CYSLTR2: variants seen among roughly 807,000 people sequenced by gnomAD.
The protein encoded by CYSLTR2 is cysteinyl leukotriene receptor 2, also known as G-protein coupled receptor GPCR21.
For missense variants in CYSLTR2, 398 were observed against 411.9 expected (o/e 0.97, Z 0.29); for synonymous variants, 179 against 160.8 (o/e 1.11, Z -0.86).
intron 3 of CYSLTR2, among the ~76,000 whole-genome samples, chr13:48,694,273 A>G (rs962009217): frequency 9.2e-5 from 14 of 152,246 alleles, no homozygotes; most frequent in Admixed American, 7.2e-4. Context: ...TCCAAAGGCC[A>G]AAGTTTGTCT....
At chr13:48,695,068 A>ATTTTTTT (rs869282546) in intron 3 of CYSLTR2, among the ~76,000 whole-genome samples, 1,911 of 71,578 alleles carry the variant, frequency 0.027, 484 homozygotes, top group African/African-American at 0.034. Flanking sequence ...AGAACCTGGC[A>ATTTTTTT]TTTTTTTTTT....
intron 4 of CYSLTR2, among the ~76,000 whole-genome samples, chr13:48,704,734 C>T (rs1361960589): frequency 6.6e-6 from 1 of 152,004 alleles, no homozygotes; most frequent in African/African-American, 2.4e-5. Flanking sequence ...GTTTAGTTTT[C>T]AAGTGTTTTG....
At chr13:48,691,520 C>G (rs575999553) in intron 2 of CYSLTR2, among the ~76,000 whole-genome samples, 1 of 152,222 alleles carries the variant, frequency 6.6e-6, no homozygotes, top group Non-Finnish European at 1.5e-5. Flanking sequence ...CAAAGTCACT[C>G]CAGCTTCCAC....
chr13:48,698,992 C>T (rs1025524786), intron 4 of CYSLTR2, among the ~76,000 whole-genome samples: 11 of 152,152 alleles, frequency 7.2e-5, no homozygotes, highest in African/African-American at 2.4e-4. Flanking sequence ...TATATATGCA[C>T]CCAATACAGG....
intron 2 of CYSLTR2, among the ~76,000 whole-genome samples, chr13:48,693,151 A>G (rs1475151085): frequency 6.6e-6 from 1 of 151,812 alleles, no homozygotes; most frequent in African/African-American, 2.4e-5. Context: ...GACAAGTTAT[A>G]GAACTAGTGG....
Position 48,708,474 on chromosome 13 carries a change from A to T in CYSLTR2, c.*616A>T, listed in dbSNP as rs1594037039. ...ATTTTGCATTGGGAGAGAGGTTCTA[A>T]CACACTGAAGGCAACCCTATTTCTA... On this transcript the variant is annotated 3_prime_UTR_variant, in exon 5 of 5. Coordinates refer to ENST00000682523, the MANE Select transcript of CYSLTR2 (RefSeq NM_001308476.3). The T allele has an allele frequency of 6.0e-6, 1 of 167,302 alleles. No homozygotes were observed. The highest frequency in any genetic ancestry group is 1.9e-4 in the East Asian group (1 of 5,204). The allele number at this position is 167,302 out of a possible 1,614,324, so 10.4% of individuals were successfully genotyped here. A position where few individuals can be genotyped will look rare whatever the true frequency, so the allele number is the denominator to read the frequency against.
In CYSLTR2 at chr13:48,708,427, A is replaced by C. The variant is rs939395542; in HGVS notation, c.*569A>C. 2 of 167,334 alleles carry C rather than the reference A, an allele frequency of 1.2e-5. No individual in the cohort carries two copies. Among genetic ancestry groups the C allele is most frequent in the African/African-American group, 2.4e-5 (1 of 41,448 alleles). The allele number at this position is 167,334 out of a possible 1,614,324, so 10.4% of individuals were successfully genotyped here. A position where few individuals can be genotyped will look rare whatever the true frequency, so the allele number is the denominator to read the frequency against. ...ATTGGAGCAAAAGAGAACTGGCAAT[A>C]AGTAGGGGAAGGAAGAATTTCATTT... On this transcript the variant is annotated 3_prime_UTR_variant, in exon 5 of 5. Transcript: ENST00000682523.
intron 1 of CYSLTR2, among the ~76,000 whole-genome samples, chr13:48,679,954 A>C (rs527298678): frequency 1.3e-5 from 2 of 152,300 alleles, no homozygotes; most frequent in East Asian, 3.9e-4. Flanking sequence ...CTGAGTAGCA[A>C]CTAGGGAGGC....
Position 48,696,512 on chromosome 13 carries a change from A to G in CYSLTR2, c.-102-14A>G, listed in dbSNP as rs1954191501. On this transcript the variant is annotated splice_polypyrimidine_tract_variant and intron_variant, in intron 3 of 4. Coordinates refer to ENST00000682523, the MANE Select transcript of CYSLTR2 (RefSeq NM_001308476.3). Reference sequence around the variant, plus strand: ...AAATTTTTTTCCTAAAAATTTTATAATTTTACATTCTAGGGAAAACTAGGT... The same window carrying G: ...AAATTTTTTTCCTAAAAATTTTATAGTTTTACATTCTAGGGAAAACTAGGT... 1 of 152,150 alleles carries G rather than the reference A, an allele frequency of 6.6e-6. No individual in the cohort carries two copies. The highest frequency in any genetic ancestry group is 1.5e-5 in the Non-Finnish European group (1 of 68,014). The allele number at this position is 152,150 out of a possible 1,614,324, so 9.4% of individuals were successfully genotyped here.
At chr13:48,704,467 T>A (rs936157592) in intron 4 of CYSLTR2, among the ~76,000 whole-genome samples, 1 of 152,102 alleles carries the variant, frequency 6.6e-6, no homozygotes. Context: ...TTTTTTTCTG[T>A]TTTCAATTTC....
intron 4 of CYSLTR2, among the ~76,000 whole-genome samples, chr13:48,700,388 C>T (rs1301093938): frequency 1.3e-5 from 2 of 152,210 alleles, no homozygotes; most frequent in Non-Finnish European, 2.9e-5. Context: ...TAAACGTAAT[C>T]CATCATGTAA....
At chr13:48,669,483 T>C (rs576288677) in intron 1 of CYSLTR2, among the ~76,000 whole-genome samples, 32 of 152,138 alleles carry the variant, frequency 2.1e-4, no homozygotes, top group Non-Finnish European at 3.7e-4. Flanking sequence ...TGTGTCCATG[T>C]GTTCTCATTG....
chr13:48,681,658 G>T lies in CYSLTR2; in HGVS notation c.-265-9554G>T, dbSNP rs142175343. Among the ~76,000 whole-genome samples, 234 of 152,188 alleles carry T rather than the reference G, an allele frequency of 1.5e-3. 1 individual carries two copies. The highest frequency in any genetic ancestry group is 0.014 in the Middle Eastern group (4 of 294). On this transcript the variant is annotated intron_variant, in intron 1 of 4. Transcript: ENST00000682523. ...TGTGGTCATGCCTGCCGGATTTCATGCCCTACCTTTGACAAGGAACTTACC... is the reference window on the plus strand; with the variant it reads ...TGTGGTCATGCCTGCCGGATTTCATTCCCTACCTTTGACAAGGAACTTACC...
At chr13:48,694,102 C>T (rs777325493) in intron 3 of CYSLTR2, among the ~76,000 whole-genome samples, 2 of 152,186 alleles carry the variant, frequency 1.3e-5, no homozygotes, top group South Asian at 2.1e-4. Context: ...TGGCACTTGT[C>T]TGACCTTGAT....
intron 1 of CYSLTR2, among the ~76,000 whole-genome samples, chr13:48,679,989 T>G (rs979542268): frequency 6.6e-6 from 1 of 152,128 alleles, no homozygotes; most frequent in Non-Finnish European, 1.5e-5. Context: ...TCTACCAGTT[T>G]TCCCCCTCTG....
intron 4 of CYSLTR2, among the ~76,000 whole-genome samples, chr13:48,702,791 A>G (rs1184137279): frequency 1.3e-5 from 2 of 152,138 alleles, no homozygotes; most frequent in African/African-American, 4.8e-5. Context: ...CTGCCTTGTC[A>G]TTTAAGATTT....
At chr13:48,661,999 TC>T (rs1433795519) in intron 1 of CYSLTR2, among the ~76,000 whole-genome samples, 1 of 152,192 alleles carries the variant, frequency 6.6e-6, no homozygotes, top group Non-Finnish European at 1.5e-5. Flanking sequence ...TCTCTCCCTT[TC>T]CCCCACTCTT....
At chr13:48,694,368 T>C (rs954451185) in intron 3 of CYSLTR2, among the ~76,000 whole-genome samples, 9 of 152,228 alleles carry the variant, frequency 5.9e-5, no homozygotes, top group Non-Finnish European at 1.0e-4. Context: ...TTATGGACTT[T>C]TCCTTGTATA....
chr13:48,673,433 C>CTTTTTTTTTTTTGTTT (rs1953500563), intron 1 of CYSLTR2, among the ~76,000 whole-genome samples: 1 of 48,276 alleles, frequency 2.1e-5, no homozygotes, highest in Non-Finnish European at 3.7e-5. Flanking sequence ...GTAACCCCGG[C>CTTTTTTTTTTTTGTTT]TTTTTTTTTT....
Sources: gnomAD v4.1 joint callset for allele counts (sites outside exome capture counted in the v4.1 genomes callset) on GRCh38, gnomAD v4.1.1 for gene constraint, MANE v1.5 for transcripts, NCBI Gene and HGNC (gene_info 2026-07-23, HGNC 2026-07-21) for gene names.